CD300C: variants seen among roughly 807,000 people sequenced by gnomAD.
CD300C encodes CD300c molecule, also known as CMRF35-like molecule 6.
Under a neutral mutation model 18.4 loss-of-function variants are expected in CD300C, and 11 were observed. The ratio of observed to expected loss-of-function variants is 0.60; its 90% CI spans 0.38 to 0.99. The LOEUF (loss-of-function observed/expected upper bound fraction) is 0.99, where lower values mean the gene tolerates loss of function less well. CD300C is among the 50% of genes least tolerant of loss of function. CD300C has a pLI of 0.01. For missense variants in CD300C, 277 were observed against 287.4 expected (o/e 0.96, Z 0.26); for synonymous variants, 116 against 116.3 (o/e 1.00, Z 0.02).
At chr17:74,545,642 C>T (rs113837386) in intron 1 of CD300C, 80 bp downstream of exon 1, 30 of 1,148,688 alleles carry the variant, frequency 2.6e-5, no homozygotes, top group African/African-American at 2.3e-4. Context: ...CCTCTATGAC[C>T]GCTACTCCAG....
rs1908532735 is a variant in CD300C, at chr17:74,541,163, C to G, written c.*426G>C. ...AGCATCATTGAATCGACACACTCAG[C>G]AAATGGAAGCAGCCGCATATTCTAC... On this transcript the variant is annotated 3_prime_UTR_variant, in exon 4 of 4. Coordinates refer to ENST00000330793, the MANE Select transcript of CD300C (RefSeq NM_006678.5). 5.9e-6 allele frequency: 1 copy of G among 168,464 alleles called. No homozygotes were observed. The highest frequency in any genetic ancestry group is 1.3e-5 in the Non-Finnish European group (1 of 77,262). 10.4% of individuals were successfully genotyped at this position (168,464 alleles called of 1,614,324 possible).
chr17:74,540,423 G>T (rs565963298), downstream of CD300C, among the ~76,000 whole-genome samples: 1 of 152,210 alleles, frequency 6.6e-6, no homozygotes, highest in East Asian at 1.9e-4. Flanking sequence ...CCCCCACCTG[G>T]AATATGGGCT....
At chr17:74,537,372 C>T (rs945206762), downstream of CD300C, among the ~76,000 whole-genome samples, 1 of 152,066 alleles carries the variant, frequency 6.6e-6, no homozygotes, top group Non-Finnish European at 1.5e-5. Context: ...GTTGAATGGT[C>T]CAGGCACTGT....
At chr17:74,539,266 C>A (rs1324273395), downstream of CD300C, among the ~76,000 whole-genome samples, 1 of 152,152 alleles carries the variant, frequency 6.6e-6, no homozygotes, top group Non-Finnish European at 1.5e-5. Flanking sequence ...CTGCCCAGCC[C>A]TCCCTTCATT....
intron 1 of CD300C, 106 bp from the exon 2 acceptor site, chr17:74,545,053 C>CA (rs1908706822): frequency 1.9e-6 from 2 of 1,034,906 alleles, no homozygotes; most frequent in African/African-American, 1.6e-5. Context: ...AAGGCAATGG[C>CA]AGGCAGGCAG....
intron 3 of CD300C, 94 bp downstream of exon 3, chr17:74,542,767 A>G (rs777289458): frequency 4.7e-5 from 66 of 1,416,792 alleles, no homozygotes; most frequent in Non-Finnish European, 6.2e-5. Context: ...GCGAACAAAG[A>G]AGGGACTGGA....
rs1268056954 is a variant in CD300C, at chr17:74,542,947, G to A, written c.441C>T (p.Gly147=). 3 of 1,613,378 alleles carry A rather than the reference G, an allele frequency of 1.9e-6. No individual in the cohort carries two copies. The highest frequency in any genetic ancestry group is 2.5e-6 in the Non-Finnish European group (3 of 1,180,026). The change falls in exon 3 of 4, where the codon GGC becomes GGT. Residue 147 remains glycine (G), a synonymous_variant. Coordinates refer to ENST00000330793, the MANE Select transcript of CD300C (RefSeq NM_006678.5). ...GCAGCTTCGTGGGAGGACCTGAGGT[G>A]CCCATGGAGCTCTGGGGGCTGGAGG... ...TTASSPQSSM[G]TSGPPTKLPV... is the part of the protein sequence containing the mutation.
intron 1 of CD300C, among the ~76,000 whole-genome samples, chr17:74,545,301 AGTGTGACTGTGTGTGCAT>A (rs1223336968): frequency 9.8e-5 from 14 of 142,888 alleles, no homozygotes; most frequent in African/African-American, 3.4e-4. Context: ...TGTGCATGTG[AGTGTGACTGTGTGTGCAT>A]GTGTGACTGT....
the CD300C span, among the ~76,000 whole-genome samples, chr17:74,535,720 G>A: frequency 6.6e-6 from 1 of 151,898 alleles, no homozygotes; most frequent in African/African-American, 2.4e-5. Context: ...ACGTTGACTG[G>A]TTAATTCTAA....
downstream of CD300C, among the ~76,000 whole-genome samples, chr17:74,539,821 C>T (rs1908488091): frequency 6.6e-6 from 1 of 152,122 alleles, no homozygotes; most frequent in African/African-American, 2.4e-5. Flanking sequence ...TCACATTTCC[C>T]TCTTGTGTTT....
downstream of CD300C, among the ~76,000 whole-genome samples, chr17:74,539,994 G>A (rs757123234): frequency 5.3e-5 from 8 of 152,200 alleles, no homozygotes; most frequent in South Asian, 1.2e-3. Flanking sequence ...TGACTCTCTC[G>A]AGTCTTACCT....
intron 1 of CD300C, among the ~76,000 whole-genome samples, chr17:74,545,244 CTGTGTGAGTGTGACTGT>C (rs1908714503): frequency 6.7e-6 from 1 of 149,266 alleles, no homozygotes; most frequent in African/African-American, 2.5e-5. Flanking sequence ...GTGTGACTGT[CTGTGTGAGTGTGACTGT>C]GTGTGACTGT....
chr17:74,536,850 T>C (rs1908392184), downstream of CD300C, among the ~76,000 whole-genome samples: 1 of 152,152 alleles, frequency 6.6e-6, no homozygotes, highest in Non-Finnish European at 1.5e-5. Context: ...CTAGCAATTA[T>C]TCCCTTAGAA....
At position 74,541,373 on chromosome 17, in the gene CD300C, C is replaced by T. The variant is rs546086038; in HGVS notation, c.*216G>A. 1.5e-5 allele frequency: 8 copies of T among 520,770 alleles called. No individual in the cohort carries two copies. Among genetic ancestry groups the T allele is most frequent in the Non-Finnish European group, 2.8e-5 (8 of 286,062 alleles). The allele number at this position is 520,770 out of a possible 1,614,324, so 32.3% of individuals were successfully genotyped here. On this transcript the variant is annotated 3_prime_UTR_variant, in exon 4 of 4. Coordinates refer to ENST00000330793, the MANE Select transcript of CD300C (RefSeq NM_006678.5). ...CGGCCCGAGGCTTAGCTGGCCGGGGCGTGCACATGAGACGTGGACTCACAG... is the reference window on the plus strand; with the variant it reads ...CGGCCCGAGGCTTAGCTGGCCGGGGTGTGCACATGAGACGTGGACTCACAG...
chr17:74,542,664 G>A (rs1241006253), intron 3 of CD300C, among the ~76,000 whole-genome samples, 197 bp downstream of exon 3: 1 of 152,222 alleles, frequency 6.6e-6, no homozygotes, highest in African/African-American at 2.4e-5. Context: ...CTTCCACCAG[G>A]GCAGGACAGT....
downstream of CD300C, among the ~76,000 whole-genome samples, chr17:74,540,409 C>A (rs867878296): frequency 6.6e-6 from 1 of 152,166 alleles, no homozygotes; most frequent in South Asian, 2.1e-4. Flanking sequence ...TTTATCATTT[C>A]TATCCCCCAC....
At position 74,541,749 on chromosome 17, in the gene CD300C, G is replaced by A. The variant is rs112876338; in HGVS notation, c.528-13C>T. The A allele has an allele frequency of 1.6e-5, 26 of 1,608,878 alleles. No individual in the cohort carries two copies. The highest frequency in any genetic ancestry group is 3.3e-4 in the Middle Eastern group (2 of 6,044). On this transcript the variant is annotated splice_polypyrimidine_tract_variant and intron_variant, in intron 3 of 3. Transcript: ENST00000330793. ...GCTGAACAGGGAGCTGTGGGGACAC[G>A]GTGACAGGCAGTGAGTCACCTCCCC... is the stretch of plus-strand genomic sequence containing the variant.
Position 74,544,891 on chromosome 17 carries a change from T to C in CD300C, c.118A>G (p.Ser40Gly), listed in dbSNP as rs369638601. 3.0e-5 allele frequency: 48 copies of C among 1,613,576 alleles called. No individual in the cohort carries two copies. The highest frequency in any genetic ancestry group is 1.6e-4 in the Middle Eastern group (1 of 6,062). The change falls in exon 2 of 4, where the codon AGT becomes GGT. Residue 40 changes from serine (S) to glycine (G), a missense_variant. Physicochemically the swap from Ser to Gly is moderately conservative, Grantham distance 56. Transcript: ENST00000330793. ...TVAGPVGGSL[S>G]VQCRYEKEHR... ...TCCTTCTCATAGCGACACTGCACAC[T>C]CAGGGATCCCCCCACGGGGCCCGCC...
chr17:74,543,958 AG>A (rs1367249814), intron 2 of CD300C, among the ~76,000 whole-genome samples: 1 of 152,152 alleles, frequency 6.6e-6, no homozygotes, highest in Non-Finnish European at 1.5e-5. Flanking sequence ...GGTCAGCCTC[AG>A]GGGCAGGATG....
Sources: allele counts gnomAD v4.1 joint callset (sites outside exome capture counted in the v4.1 genomes callset), GRCh38; gene constraint gnomAD v4.1.1; transcripts MANE v1.5; gene names NCBI Gene and HGNC (gene_info 2026-07-23, HGNC 2026-07-21).